The following LRMDA variants were observed in gnomAD, a reference collection of about 807,000 sequenced individuals.
LRMDA encodes leucine-rich melanocyte differentiation-associated protein.
Under a neutral mutation model 29.8 loss-of-function variants are expected in LRMDA, and 18 were observed. The observed-to-expected ratio is 0.60, with a 90% CI of 0.42 to 0.90. The LOEUF (loss-of-function observed/expected upper bound fraction) is 0.90, where lower values mean the gene tolerates loss of function less well. LRMDA is among the 40% of genes least tolerant of loss of function. The pLI, the probability that LRMDA is intolerant of heterozygous loss-of-function variation, is 0.00. For synonymous variants in LRMDA, 125 were observed against 109.4 expected (o/e 1.14, Z -0.89); for missense variants, 273 against 273.9 (o/e 1.00, Z 0.02).
chr10:75,595,654 T>G (rs1028147443), intron 2 of LRMDA, among the ~76,000 whole-genome samples: 1 of 150,266 alleles, frequency 6.7e-6, no homozygotes, highest in Admixed American at 6.6e-5. Flanking sequence ...AAATTAAGAG[T>G]GAAAATTTAA....
chr10:76,178,865 C>T (rs1473847671), intron 5 of LRMDA, among the ~76,000 whole-genome samples: 1 of 152,176 alleles, frequency 6.6e-6, no homozygotes, highest in Non-Finnish European at 1.5e-5. Context: ...ATCCCTCATT[C>T]CAGCTCTGTG....
In LRMDA at chr10:76,273,424, T is replaced by C. The variant is rs192961395; in HGVS notation, c.517-50977T>C. On this transcript the variant is annotated intron_variant, in intron 5 of 6. Transcript: ENST00000611255. ...TCACATTATAGATGCTAAAGAATCA[T>C]TGTAACCATTAGACACCAACGATTT... Among the ~76,000 whole-genome samples, 19 of 152,340 alleles carry C rather than the reference T, an allele frequency of 1.2e-4. No individual in the cohort carries two copies. In the East Asian group the frequency reaches 3.3e-3, roughly 26 times the overall value.
At chr10:75,889,147 G>A (rs1230240475) in intron 2 of LRMDA, among the ~76,000 whole-genome samples, 1 of 152,164 alleles carries the variant, frequency 6.6e-6, no homozygotes, top group Non-Finnish European at 1.5e-5. Context: ...GTGGAGTTTT[G>A]AGAAACTGAG....
In LRMDA at chr10:75,806,483, G is replaced by T. The variant is rs1226937724; in HGVS notation, c.132-229525G>T. Among the ~76,000 whole-genome samples, 3 of 152,192 alleles carry T rather than the reference G, an allele frequency of 2.0e-5. No homozygotes were observed. In the South Asian group the frequency reaches 6.2e-4, roughly 32 times the overall value. Reference sequence around the variant, plus strand: ...GAAGGACCTTTGAACATTCTGATAGGATTAATGATTTTCTTCCAGTGTGTC... The same window carrying T: ...GAAGGACCTTTGAACATTCTGATAGTATTAATGATTTTCTTCCAGTGTGTC... On this transcript the variant is annotated intron_variant, in intron 2 of 6. Coordinates refer to ENST00000611255, the MANE Select transcript of LRMDA (RefSeq NM_001305581.2).
intron 2 of LRMDA, among the ~76,000 whole-genome samples, chr10:75,924,129 ATAATTT>A (rs1846076137): frequency 6.6e-6 from 1 of 152,204 alleles, no homozygotes; most frequent in Non-Finnish European, 1.5e-5. Flanking sequence ...AATTGAACAG[ATAATTT>A]TAATAAGATT....
At chr10:75,807,966 T>C (rs961532845) in intron 2 of LRMDA, among the ~76,000 whole-genome samples, 5 of 152,224 alleles carry the variant, frequency 3.3e-5, no homozygotes, top group Non-Finnish European at 5.9e-5. Flanking sequence ...TTTTTGTTGC[T>C]CAATTGGGTT....
At chr10:76,437,085 A>C (rs1430243697) in intron 6 of LRMDA, among the ~76,000 whole-genome samples, 2 of 152,186 alleles carry the variant, frequency 1.3e-5, no homozygotes, top group Non-Finnish European at 2.9e-5. Flanking sequence ...CAATGGGCTC[A>C]TTGCTTTGAA....
At chr10:76,517,943 T>TAAAC (rs1843078594) in intron 6 of LRMDA, among the ~76,000 whole-genome samples, 4 of 133,772 alleles carry the variant, frequency 3.0e-5, no homozygotes, top group African/African-American at 8.5e-5. Context: ...TATAAACATA[T>TAAAC]ATATATATAT....
chr10:76,241,405 G>A (rs1852275561), intron 5 of LRMDA, among the ~76,000 whole-genome samples: 1 of 152,100 alleles, frequency 6.6e-6, no homozygotes, highest in Non-Finnish European at 1.5e-5. Flanking sequence ...GGTGACCTAA[G>A]TCCATTATTT....
chr10:76,210,962 C>T (rs972931441), intron 5 of LRMDA, among the ~76,000 whole-genome samples: 14 of 152,312 alleles, frequency 9.2e-5, no homozygotes, highest in Admixed American at 8.5e-4. Context: ...GAAACTTCTG[C>T]ATGTGATAGC....
chr10:76,422,150 C>T (rs1338953387), intron 6 of LRMDA, among the ~76,000 whole-genome samples: 1 of 152,062 alleles, frequency 6.6e-6, no homozygotes, highest in Non-Finnish European at 1.5e-5. Context: ...ATTTTGTCCA[C>T]CAAGACTTAT....
rs542220760 is a variant in LRMDA, at chr10:75,612,193, G to A, written c.131+173699G>A. Among the ~76,000 whole-genome samples, 9 of 152,306 alleles carry A rather than the reference G, an allele frequency of 5.9e-5. No homozygotes were observed. In the South Asian group the frequency reaches 1.7e-3, roughly 28 times the overall value. ...GAGAAGTGTGTAGAAAAATAAGTGC[G>A]AGGTTTTACTTATGCAGTGCCTTTG... On this transcript the variant is annotated intron_variant, in intron 2 of 6. Coordinates refer to ENST00000611255, the MANE Select transcript of LRMDA (RefSeq NM_001305581.2).
chr10:75,635,537 G>A (rs749763696), intron 2 of LRMDA, among the ~76,000 whole-genome samples: 11 of 152,070 alleles, frequency 7.2e-5, no homozygotes, highest in Non-Finnish European at 1.6e-4. Context: ...GTACCAGGAG[G>A]CCTAATTTCT....
chr10:76,414,214 C>A (rs1841991689), intron 6 of LRMDA, among the ~76,000 whole-genome samples: 1 of 152,186 alleles, frequency 6.6e-6, no homozygotes, highest in Non-Finnish European at 1.5e-5. Context: ...TATCTAAGAA[C>A]TTTGCAAACA....
rs74487208 is a variant in LRMDA, at chr10:76,551,845, A to G, written c.602-5364A>G. The stretch of plus-strand genomic sequence containing the variant: ...CCTTTTCCTCTCTGTCACTGGGCCC[A>G]TCTACCTCTTCACAACATTGTTATC... On this transcript the variant is annotated intron_variant, in intron 6 of 6. Coordinates refer to ENST00000611255, the MANE Select transcript of LRMDA (RefSeq NM_001305581.2). Among the ~76,000 whole-genome samples, 930 of 152,276 alleles carry G rather than the reference A, an allele frequency of 6.1e-3. 5 individuals are homozygous for G. The highest frequency in any genetic ancestry group is 0.021 in the African/African-American group (875 of 41,542).
At chr10:75,639,790 G>T (rs1841429467) in intron 2 of LRMDA, among the ~76,000 whole-genome samples, 1 of 152,238 alleles carries the variant, frequency 6.6e-6, no homozygotes, top group Non-Finnish European at 1.5e-5. Flanking sequence ...GGGCCAAGCA[G>T]TAGGTCCATC....
chr10:76,310,064 T>C (rs1303921606), intron 5 of LRMDA, among the ~76,000 whole-genome samples: 1 of 152,172 alleles, frequency 6.6e-6, no homozygotes, highest in Non-Finnish European at 1.5e-5. Context: ...GTAATTTTTT[T>C]CCTCATTTAT....
At chr10:76,124,876 T>C (rs1849852633) in intron 5 of LRMDA, among the ~76,000 whole-genome samples, 1 of 152,236 alleles carries the variant, frequency 6.6e-6, no homozygotes, top group South Asian at 2.1e-4. Context: ...GTGGGTAGCT[T>C]ATGAACAGCA....
At chr10:75,477,117 A>G (rs1012900662) in intron 2 of LRMDA, among the ~76,000 whole-genome samples, 1 of 151,980 alleles carries the variant, frequency 6.6e-6, no homozygotes, top group Non-Finnish European at 1.5e-5. Flanking sequence ...CAGCTTCCCA[A>G]GTAGATAGGA....
Sources: allele counts gnomAD v4.1 joint callset (sites outside exome capture counted in the v4.1 genomes callset), GRCh38; gene constraint gnomAD v4.1.1; transcripts MANE v1.5; gene names NCBI Gene and HGNC (gene_info 2026-07-23, HGNC 2026-07-21).